Variants in PTPRM observed in about 807,000 individuals in gnomAD.
PTPRM encodes protein tyrosine phosphatase receptor type M.
PTPRM carries 47 observed loss-of-function variants against 186.7 expected under a neutral mutation model. The observed-to-expected ratio is 0.25, with a 90% confidence interval of 0.20 to 0.32. The LOEUF is 0.32. Ranked by LOEUF, PTPRM falls within the 10% of genes least tolerant of loss-of-function variation. The pLI is 1.00. For missense variants in PTPRM, 1,494 were observed against 1,865.0 expected (o/e 0.80, Z 3.66); for synonymous variants, 668 against 674.9 (o/e 0.99, Z 0.16).
chr18:8,153,362 T>C (rs73389741), intron 14 of PTPRM, among the ~76,000 whole-genome samples: 6,116 of 152,246 alleles, frequency 0.04, 266 homozygotes, highest in African/African-American at 0.11. Flanking sequence ...CTGGTAGTCG[T>C]TGAGGTTATG....
At chr18:7,651,717 G>A (rs2038709584) in intron 1 of PTPRM, among the ~76,000 whole-genome samples, 1 of 152,070 alleles carries the variant, frequency 6.6e-6, no homozygotes, top group African/African-American at 2.4e-5. Context: ...AGCTGAAACT[G>A]GATCCCTTCG....
intron 22 of PTPRM, among the ~76,000 whole-genome samples, chr18:8,336,625 A>G (rs4798632): frequency 7.7e-5 from 11 of 142,936 alleles, no homozygotes; most frequent in African/African-American, 2.9e-4. Context: ...AGGGGGAGGG[A>G]GAGGAGGAGG....
chr18:7,969,580 AAGAG>A (rs1259703943), intron 7 of PTPRM, among the ~76,000 whole-genome samples: 6 of 147,408 alleles, frequency 4.1e-5, no homozygotes, highest in Non-Finnish European at 7.4e-5. Flanking sequence ...TAAAGAAAAA[AAGAG>A]AGAAGAATCA....
chr18:8,296,519 C>G lies in PTPRM; in HGVS notation c.2842+64C>G. The G allele has an allele frequency of 2.5e-6, 3 of 1,217,256 alleles. No individual in the cohort carries two copies. The South Asian group carries it at 3.7e-5, about 15-fold the overall frequency. 75.4% of individuals were successfully genotyped at this position (1,217,256 alleles called of 1,614,324 possible). A position where few individuals can be genotyped will look rare whatever the true frequency, so the allele number is the denominator to read the frequency against. On this transcript the variant is annotated intron_variant, in intron 20 of 32. Transcript: ENST00000580170. ...CCTTTTTGCATCTAGTAAGATTGAC[C>G]ACCAGGCTCATACAGAGGAAATTTA...
chr18:8,390,971 A>AATAATAATAAG (rs1568894174), intron 31 of PTPRM, among the ~76,000 whole-genome samples: 1 of 117,318 alleles, frequency 8.5e-6, no homozygotes, highest in Admixed American at 8.5e-5. Flanking sequence ...ATAATAATAA[A>AATAATAATAAG]GATGTCCCGA....
intron 22 of PTPRM, among the ~76,000 whole-genome samples, chr18:8,342,331 T>C (rs1220982565): frequency 2.0e-5 from 3 of 152,212 alleles, no homozygotes; most frequent in Non-Finnish European, 4.4e-5. Context: ...CCAAGAATCC[T>C]CAAAATAACT....
chr18:8,403,413 G>C (rs1203095663), intron 32 of PTPRM: 1 of 152,158 alleles, frequency 6.6e-6, no homozygotes, highest in Non-Finnish European at 1.5e-5. Context: ...AAAATTACCT[G>C]TTGGGTATAA....
At chr18:7,656,480 C>T (rs2038851740) in intron 1 of PTPRM, among the ~76,000 whole-genome samples, 2 of 151,890 alleles carry the variant, frequency 1.3e-5, no homozygotes, top group South Asian at 2.1e-4. Flanking sequence ...TTCTGTTTTG[C>T]GGGGATGAAA....
At chr18:7,590,420 G>A (rs1268048704) in intron 1 of PTPRM, among the ~76,000 whole-genome samples, 1 of 152,110 alleles carries the variant, frequency 6.6e-6, no homozygotes, top group Non-Finnish European at 1.5e-5. Flanking sequence ...CCTGGAGGGT[G>A]GAAAGATGGT....
chr18:7,928,025 A>G (rs1338830090), intron 5 of PTPRM, among the ~76,000 whole-genome samples: 2 of 152,182 alleles, frequency 1.3e-5, no homozygotes, highest in Non-Finnish European at 2.9e-5. Flanking sequence ...TACAGGTGTG[A>G]GCCACTGCAC....
At chr18:7,737,854 G>T (rs988909014) in intron 1 of PTPRM, among the ~76,000 whole-genome samples, 1 of 152,200 alleles carries the variant, frequency 6.6e-6, no homozygotes, top group Non-Finnish European at 1.5e-5. Flanking sequence ...TCCCCAGGCT[G>T]TGGCTGTTGG....
intron 20 of PTPRM, among the ~76,000 whole-genome samples, chr18:8,297,113 A>G (rs910785718): frequency 4.6e-5 from 7 of 152,168 alleles, no homozygotes; most frequent in African/African-American, 1.7e-4. Flanking sequence ...CCCTTCTCCC[A>G]GGGCCCGCAC....
Position 8,178,781 on chromosome 18 carries a change from C to T in PTPRM, c.2300+35002C>T, listed in dbSNP as rs186931964. ...CAGCCTGGGCAACAGATCAAGACTC[C>T]GTCTCAAAAATAATAATAATAATAA... On this transcript the variant is annotated intron_variant, in intron 14 of 32. Transcript: ENST00000580170. 2.8e-4 allele frequency among the ~76,000 whole-genome samples: 42 copies of T among 150,996 alleles called. No individual in the cohort carries two copies. The East Asian group carries it at 6.2e-3, about 22-fold the overall frequency.
At chr18:7,666,462 C>G (rs1407269762) in intron 1 of PTPRM, among the ~76,000 whole-genome samples, 2 of 152,154 alleles carry the variant, frequency 1.3e-5, no homozygotes, top group African/African-American at 4.8e-5. Context: ...CACTGGGGCA[C>G]CCTTATGTCT....
intron 20 of PTPRM, among the ~76,000 whole-genome samples, chr18:8,312,910 C>T (rs569257092): frequency 5.3e-5 from 8 of 152,248 alleles, no homozygotes; most frequent in South Asian, 4.1e-4. Flanking sequence ...TGGAAAGCCC[C>T]GTCAAGGAAG....
intron 14 of PTPRM, among the ~76,000 whole-genome samples, chr18:8,178,526 G>A (rs2093521513): frequency 6.6e-6 from 1 of 152,144 alleles, no homozygotes; most frequent in East Asian, 1.9e-4. Context: ...GCTCATGCCT[G>A]TAGTCTCAGC....
At chr18:8,242,996 C>T (rs953265453) in intron 14 of PTPRM, among the ~76,000 whole-genome samples, 2 of 152,206 alleles carry the variant, frequency 1.3e-5, no homozygotes, top group African/African-American at 2.4e-5. Context: ...TTGGTATTAT[C>T]GTGCTGTGGG....
intron 19 of PTPRM, among the ~76,000 whole-genome samples, chr18:8,273,132 C>T (rs995194944): frequency 1.3e-5 from 2 of 152,286 alleles, no homozygotes; most frequent in African/African-American, 4.8e-5. Flanking sequence ...TCAAGTCTCA[C>T]AGCTTTTACC....
intron 2 of PTPRM, among the ~76,000 whole-genome samples, chr18:7,834,992 CTTTTTT>C (rs57839485): frequency 1.2e-5 from 1 of 85,268 alleles, no homozygotes; most frequent in Non-Finnish European, 2.3e-5. Flanking sequence ...TTATTTGGAT[CTTTTTT>C]TTTTTTTTTT....
Sources: gnomAD v4.1 joint callset for allele counts (sites outside exome capture counted in the v4.1 genomes callset) on GRCh38, gnomAD v4.1.1 for gene constraint, MANE v1.5 for transcripts, NCBI Gene and HGNC (gene_info 2026-07-23, HGNC 2026-07-21) for gene names.